PCDHA1: variants seen among roughly 807,000 people sequenced by gnomAD.
PCDHA1 encodes the protein protocadherin alpha 1, also known as protocadherin alpha-1.
Under a neutral mutation model 61.3 loss-of-function variants are expected in PCDHA1, and 42 were observed. The observed-to-expected ratio is 0.69, with a 90% confidence interval of 0.54 to 0.89. PCDHA1 has a LOEUF of 0.89. Ranked by LOEUF, PCDHA1 falls within the 40% of genes least tolerant of loss-of-function variation. PCDHA1 has a pLI of 0.00. For synonymous variants in PCDHA1, 610 were observed against 553.8 expected, an observed-to-expected ratio of 1.10 and a Z score of -1.43; for missense variants, 1,256 against 1,235.3, an observed-to-expected ratio of 1.02 and a Z score of -0.25.
chr5:140,835,572 T>G lies in PCDHA1; in HGVS notation c.2394+46888T>G, dbSNP rs2150238543. The G allele has an allele frequency of 3.1e-6, 5 of 1,613,896 alleles. 1 individual carries two copies. In the South Asian group the frequency reaches 5.5e-5, roughly 18 times the overall value. ...CCTGACGCCCCGCGTTCCCTTCAAG[T>G]TGGTGTCCACCTTCAAGAATTACTA... On this transcript the variant is annotated intron_variant, in intron 1 of 3. Transcript: ENST00000504120.
chr5:140,911,953 G>T (rs1554195050), intron 1 of PCDHA1, among the ~76,000 whole-genome samples: 1 of 152,094 alleles, frequency 6.6e-6, no homozygotes, highest in Non-Finnish European at 1.5e-5. Context: ...TAAAGGGGAG[G>T]TTACTAAGGA....
intron 1 of PCDHA1, among the ~76,000 whole-genome samples, chr5:140,909,701 T>A (rs1038404823): frequency 4.6e-4 from 70 of 152,334 alleles, no homozygotes; most frequent in African/African-American, 1.6e-3. Flanking sequence ...TTCTGCTAGC[T>A]GCTAAGTATA....
chr5:140,802,377 C>G, intron 1 of PCDHA1: 1 of 1,614,264 alleles, frequency 6.2e-7, no homozygotes, highest in East Asian at 2.2e-5. Flanking sequence ...GCCCCACGTC[C>G]CCTTCAAGCT....
intron 1 of PCDHA1, chr5:140,877,410 C>G (rs1339534741): frequency 7.4e-6 from 12 of 1,613,922 alleles, no homozygotes; most frequent in Non-Finnish European, 9.3e-6. Context: ...CGCGCCACCG[C>G]CTGCTGGTGC....
intron 1 of PCDHA1, chr5:140,829,201 C>T (rs2150163730): frequency 8.1e-6 from 13 of 1,614,196 alleles, no homozygotes; most frequent in Admixed American, 1.7e-5. Context: ...CTGTCATCGC[C>T]CTAATTAGCG....
intron 1 of PCDHA1, chr5:140,869,061 G>A: frequency 6.4e-7 from 1 of 1,558,266 alleles, no homozygotes; most frequent in South Asian, 1.2e-5. Flanking sequence ...ATCTGGTACT[G>A]TAAGTGTAAA....
At chr5:140,928,326 C>T (rs1554205788) in intron 1 of PCDHA1, 1 of 1,614,162 alleles carries the variant, frequency 6.2e-7, no homozygotes, top group Non-Finnish European at 8.5e-7. Context: ...GGAAGAATGG[C>T]CTTGTCTCTT....
chr5:140,982,998 GAAAGAA>G (rs1469608645), intron 3 of PCDHA1, among the ~76,000 whole-genome samples: 10 of 151,726 alleles, frequency 6.6e-5, no homozygotes, highest in Admixed American at 5.2e-4. Context: ...AAGAAGGAAA[GAAAGAA>G]AAAGGAAGGA....
At chr5:140,942,361 G>A (rs1554214935) in intron 1 of PCDHA1, among the ~76,000 whole-genome samples, 1 of 151,920 alleles carries the variant, frequency 6.6e-6, no homozygotes, top group East Asian at 1.9e-4. Context: ...GCAGTTAACG[G>A]AGATTGCACC....
At chr5:140,965,195 T>C (rs1368041910) in intron 1 of PCDHA1, among the ~76,000 whole-genome samples, 3 of 152,198 alleles carry the variant, frequency 2.0e-5, no homozygotes, top group Admixed American at 6.5e-5. Context: ...CATGAGGCAA[T>C]AGATTTCAAA....
chr5:140,812,238 G>C (rs1418134307), intron 1 of PCDHA1: 1 of 151,646 alleles, frequency 6.6e-6, no homozygotes, highest in African/African-American at 2.4e-5. Context: ...TTATGTCTTG[G>C]TAGTTTGTAT....
At chr5:140,873,718 T>C (rs1259445115) in intron 1 of PCDHA1, among the ~76,000 whole-genome samples, 1 of 152,216 alleles carries the variant, frequency 6.6e-6, no homozygotes, top group East Asian at 1.9e-4. Context: ...TGGTGTGCAG[T>C]GGCGCAATCT....
chr5:140,930,798 G>T (rs1339622831), intron 1 of PCDHA1, among the ~76,000 whole-genome samples: 1 of 152,094 alleles, frequency 6.6e-6, no homozygotes, highest in Non-Finnish European at 1.5e-5. Flanking sequence ...ATAGAATCCA[G>T]CATATAAGAT....
rs575152424 is a variant in PCDHA1 at position 140,895,872 on chromosome 5, C to T, written c.2395-83077C>T. Among the ~76,000 whole-genome samples, 3 of 152,222 alleles carry T rather than the reference C, an allele frequency of 2.0e-5. No homozygotes were observed. The South Asian group carries it at 6.2e-4, about 32-fold the overall frequency. ...TGTACCCCAGGCTGGAGTGCAATGG[C>T]GCGATCTCGGCTCACTGCAACCTCC... On this transcript the variant is annotated intron_variant, in intron 1 of 3. Transcript: ENST00000504120.
intron 1 of PCDHA1, among the ~76,000 whole-genome samples, chr5:140,972,711 T>A (rs2096551404): frequency 6.7e-6 from 1 of 148,680 alleles, no homozygotes; most frequent in Non-Finnish European, 1.5e-5. Context: ...GTTGCCAGGC[T>A]GGAGTGCAGT....
In PCDHA1 at chr5:140,876,724, G is replaced by A. The variant is rs140611870; in HGVS notation, c.2394+88040G>A. On this transcript the variant is annotated intron_variant, in intron 1 of 3. Transcript: ENST00000504120. The stretch of plus-strand genomic sequence containing the variant: ...GGACAGCGCCCTGGACCGCGAGAGC[G>A]TGTCGGCCTATGAGCTGGTGGTGAC... The A allele has an allele frequency of 2.3e-4, 378 of 1,614,246 alleles. 3 individuals are homozygous for A. In the East Asian group the frequency reaches 2.9e-3, roughly 13 times the overall value.
At chr5:140,917,324 C>CGG (rs1299895515) in intron 1 of PCDHA1, among the ~76,000 whole-genome samples, 73 of 76,040 alleles carry the variant, frequency 9.6e-4, no homozygotes, top group South Asian at 2.7e-3. Flanking sequence ...GTTCATGTGG[C>CGG]GGGGGAGGGG....
intron 1 of PCDHA1, among the ~76,000 whole-genome samples, chr5:140,902,823 G>A (rs182466889): frequency 1.6e-3 from 246 of 151,864 alleles, no homozygotes; most frequent in Non-Finnish European, 2.9e-3. Flanking sequence ...TTTGGTTTTC[G>A]ATTTCTGAGT....
chr5:140,933,050 C>T (rs2088825990), intron 1 of PCDHA1, among the ~76,000 whole-genome samples: 1 of 152,018 alleles, frequency 6.6e-6, no homozygotes, highest in Admixed American at 6.5e-5. Context: ...GGATTACAGT[C>T]CAGGATCCTG....
Sources: allele counts gnomAD v4.1 joint callset (sites outside exome capture counted in the v4.1 genomes callset), GRCh38; gene constraint gnomAD v4.1.1; transcripts MANE v1.5; gene names NCBI Gene and HGNC (gene_info 2026-07-23, HGNC 2026-07-21).